Variants in KCTD8 observed in about 807,000 individuals in gnomAD.
KCTD8 encodes the protein BTB/POZ domain-containing protein KCTD8.
A neutral mutation model predicts 31.5 loss-of-function variants in KCTD8; 27 were observed. The observed-to-expected ratio is 0.86, with a 90% CI of 0.63 to 1.18. The LOEUF (loss-of-function observed/expected upper bound fraction) is 1.18, where lower values mean the gene tolerates loss of function less well. Ranked by LOEUF, KCTD8 falls within the 50% of genes most tolerant of loss-of-function variation. The pLI is 0.00. For synonymous variants in KCTD8, 290 were observed against 280.0 expected (o/e 1.04, Z -0.36); for missense variants, 658 against 647.7 (o/e 1.02, Z -0.17).
chr4:44,237,235 CT>C lies in KCTD8; in HGVS notation c.962-61986del, dbSNP rs112723265. 2.6e-3 allele frequency among the ~76,000 whole-genome samples: 393 copies of C among 148,940 alleles called. 1 individual carries two copies. The highest frequency in any genetic ancestry group is 8.2e-3 in the African/African-American group (334 of 40,742). ...ATATGGGAGGAATCCTTTATGCTCC[CT>C]TTTTTTTTTAATACCTTTTCACTTC... On this transcript the variant is annotated intron_variant, in intron 1 of 1. Transcript: ENST00000360029.
At chr4:44,316,514 T>G (rs1288161916) in intron 1 of KCTD8, among the ~76,000 whole-genome samples, 1 of 152,104 alleles carries the variant, frequency 6.6e-6, no homozygotes, top group East Asian at 1.9e-4. Context: ...TTAACAAGTG[T>G]GCCGAGCCAA....
intron 1 of KCTD8, among the ~76,000 whole-genome samples, chr4:44,443,344 G>C (rs1401749565): frequency 6.6e-6 from 1 of 152,138 alleles, no homozygotes; most frequent in South Asian, 2.1e-4. Context: ...AATTTTAATG[G>C]TATTCACCTA....
chr4:44,213,286 T>C (rs1428116320), intron 1 of KCTD8, among the ~76,000 whole-genome samples: 1 of 152,190 alleles, frequency 6.6e-6, no homozygotes, highest in Non-Finnish European at 1.5e-5. Context: ...TTTTGTTTCA[T>C]ATTTTTCTTC....
intron 1 of KCTD8, among the ~76,000 whole-genome samples, chr4:44,284,875 T>C (rs1421743773): frequency 6.6e-6 from 1 of 152,166 alleles, no homozygotes; most frequent in Non-Finnish European, 1.5e-5. Context: ...GAAAAAATGC[T>C]CATCATCACT....
intron 1 of KCTD8, among the ~76,000 whole-genome samples, chr4:44,404,897 CT>C (rs1720747739): frequency 6.6e-6 from 1 of 152,166 alleles, no homozygotes; most frequent in South Asian, 2.1e-4. Context: ...CTAAATGCCT[CT>C]CTTGTTTCAT....
chr4:44,240,120 T>A (rs1254100142), intron 1 of KCTD8, among the ~76,000 whole-genome samples: 2 of 152,230 alleles, frequency 1.3e-5, no homozygotes, highest in Admixed American at 1.3e-4. Context: ...CTTTGAAGCC[T>A]GTTTGAATCA....
At chr4:44,242,306 C>T (rs1175057839) in intron 1 of KCTD8, among the ~76,000 whole-genome samples, 7 of 152,188 alleles carry the variant, frequency 4.6e-5, no homozygotes, top group African/African-American at 9.7e-5. Context: ...AGGCCGGGCG[C>T]GGTGGCTCAC....
chr4:44,378,688 G>A (rs939607394), intron 1 of KCTD8, among the ~76,000 whole-genome samples: 1 of 152,090 alleles, frequency 6.6e-6, no homozygotes, highest in Non-Finnish European at 1.5e-5. Context: ...TTATATTAGA[G>A]TGTAGCTATT....
At chr4:44,318,020 T>C (rs550985445) in intron 1 of KCTD8, among the ~76,000 whole-genome samples, 4 of 152,328 alleles carry the variant, frequency 2.6e-5, no homozygotes, top group Non-Finnish European at 5.9e-5. Context: ...CACTGGTCTT[T>C]GCATTTGCTG....
intron 1 of KCTD8, among the ~76,000 whole-genome samples, chr4:44,314,065 G>T (rs1230366153): frequency 5.9e-5 from 9 of 152,142 alleles, no homozygotes; most frequent in African/African-American, 2.2e-4. Flanking sequence ...AATTAATGAA[G>T]TTAAAAGATA....
intron 1 of KCTD8, among the ~76,000 whole-genome samples, chr4:44,447,264 C>G (rs914747754): frequency 2.0e-5 from 3 of 152,254 alleles, no homozygotes; most frequent in African/African-American, 7.2e-5. Flanking sequence ...CGAGGAGACC[C>G]TGGCATCTGG....
At chr4:44,330,388 C>T (rs1343784526) in intron 1 of KCTD8, among the ~76,000 whole-genome samples, 1 of 151,822 alleles carries the variant, frequency 6.6e-6, no homozygotes, top group Non-Finnish European at 1.5e-5. Context: ...AATTTCTCTT[C>T]TTAGTTTATG....
intron 1 of KCTD8, among the ~76,000 whole-genome samples, chr4:44,314,819 A>T (rs1028445939): frequency 2.0e-5 from 3 of 151,306 alleles, no homozygotes; most frequent in African/African-American, 7.3e-5. Context: ...AATATAGCAT[A>T]GTTAATATTT....
At chr4:44,382,992 AAT>A (rs1720113110) in intron 1 of KCTD8, among the ~76,000 whole-genome samples, 1 of 150,622 alleles carries the variant, frequency 6.6e-6, no homozygotes, top group Non-Finnish European at 1.5e-5. Context: ...AAAAATCAGT[AAT>A]GTTTCTATAC....
At chr4:44,327,721 C>A (rs1458013094) in intron 1 of KCTD8, among the ~76,000 whole-genome samples, 1 of 151,658 alleles carries the variant, frequency 6.6e-6, no homozygotes, top group Non-Finnish European at 1.5e-5. Flanking sequence ...GATTTTCCAC[C>A]ATCTAGCTGT....
At chr4:44,272,683 G>T (rs546252709) in intron 1 of KCTD8, among the ~76,000 whole-genome samples, 2 of 152,018 alleles carry the variant, frequency 1.3e-5, no homozygotes, top group Non-Finnish European at 2.9e-5. Flanking sequence ...TTGATTAAAA[G>T]ATTGATTCAA....
At chr4:44,420,088 A>T (rs1305802059) in intron 1 of KCTD8, among the ~76,000 whole-genome samples, 1 of 152,034 alleles carries the variant, frequency 6.6e-6, no homozygotes, top group African/African-American at 2.4e-5. Flanking sequence ...AAAATCAACA[A>T]ACTAAAGAAA....
chr4:44,220,810 C>G (rs1295277650), intron 1 of KCTD8, among the ~76,000 whole-genome samples: 1 of 152,110 alleles, frequency 6.6e-6, no homozygotes, highest in Non-Finnish European at 1.5e-5. Flanking sequence ...TTCTCTATCT[C>G]CCTCCATAGT....
At chr4:44,182,767 C>T (rs1349132611) in intron 1 of KCTD8, among the ~76,000 whole-genome samples, 1 of 152,100 alleles carries the variant, frequency 6.6e-6, no homozygotes, top group East Asian at 1.9e-4. Context: ...CTGCAAGAAA[C>T]ACCCAAGAAT....
Sources: allele counts gnomAD v4.1 joint callset (sites outside exome capture counted in the v4.1 genomes callset), GRCh38; gene constraint gnomAD v4.1.1; transcripts MANE v1.5; gene names NCBI Gene and HGNC (gene_info 2026-07-23, HGNC 2026-07-21).